Variants in PITPNC1 observed in about 807,000 individuals in gnomAD.
PITPNC1 encodes the protein phosphatidylinositol transfer protein cytoplasmic 1.
In PITPNC1, 18 loss-of-function variants were observed where a neutral mutation model predicts 44.7. The ratio of observed to expected loss-of-function variants is 0.40; its 90% CI spans 0.28 to 0.60. PITPNC1 has a LOEUF of 0.60. PITPNC1 is among the 20% of genes least tolerant of loss of function. The pLI, the probability that PITPNC1 is intolerant of heterozygous loss-of-function variation, is 0.39. For missense variants in PITPNC1, 290 were observed against 418.4 expected, an observed-to-expected ratio of 0.69 and a Z score of 2.68; for synonymous variants, 141 against 149.6, an observed-to-expected ratio of 0.94 and a Z score of 0.42.
intron 1 of PITPNC1, among the ~76,000 whole-genome samples, chr17:67,516,006 TTATG>T (rs757074601): frequency 3.9e-5 from 6 of 152,128 alleles, no homozygotes; most frequent in Non-Finnish European, 7.4e-5. Context: ...GTGCAGGAAT[TTATG>T]TAGGAGGAAG....
At chr17:67,397,269 C>T (rs1039297781) in intron 1 of PITPNC1, among the ~76,000 whole-genome samples, 1 of 152,216 alleles carries the variant, frequency 6.6e-6, no homozygotes, top group African/African-American at 2.4e-5. Context: ...GCGTCAGCCA[C>T]CACGCCTGGC....
At chr17:67,433,879 G>A (rs1285626389) in intron 1 of PITPNC1, among the ~76,000 whole-genome samples, 2 of 152,026 alleles carry the variant, frequency 1.3e-5, no homozygotes, top group African/African-American at 4.8e-5. Context: ...TCTAGCCTGG[G>A]TGACATAGCG....
intron 8 of PITPNC1, among the ~76,000 whole-genome samples, chr17:67,688,207 G>A (rs903870646): frequency 8.6e-5 from 13 of 151,220 alleles, no homozygotes; most frequent in African/African-American, 2.7e-4. Flanking sequence ...GTGTGGTGGC[G>A]CATGCCTGTA....
intron 5 of PITPNC1, among the ~76,000 whole-genome samples, chr17:67,610,524 GC>G (rs1479562165): frequency 6.6e-6 from 1 of 152,156 alleles, no homozygotes; most frequent in Non-Finnish European, 1.5e-5. Context: ...CAGGCGTGGT[GC>G]CGGCACACAT....
chr17:67,452,525 T>TG (rs968047871), intron 1 of PITPNC1, among the ~76,000 whole-genome samples: 8 of 151,204 alleles, frequency 5.3e-5, no homozygotes, highest in African/African-American at 1.9e-4. Context: ...GGTTTTTTTT[T>TG]TTTTTTGAGA....
At chr17:67,402,154 A>G (rs1221358076) in intron 1 of PITPNC1, among the ~76,000 whole-genome samples, 1 of 152,238 alleles carries the variant, frequency 6.6e-6, no homozygotes, top group African/African-American at 2.4e-5. Flanking sequence ...GCAACATGTA[A>G]ATGAATAGGC....
At chr17:67,669,897 C>A (rs2042483491) in intron 7 of PITPNC1, among the ~76,000 whole-genome samples, 2 of 151,924 alleles carry the variant, frequency 1.3e-5, no homozygotes, top group South Asian at 2.1e-4. Flanking sequence ...CATGGTGAAA[C>A]CCTGTCTCTA....
In PITPNC1 at chr17:67,604,347, T is replaced by C. The variant is rs145296957; in HGVS notation, c.366+26090T>C. Among the ~76,000 whole-genome samples, 207 of 152,322 alleles carry C rather than the reference T, an allele frequency of 1.4e-3. 3 individuals carry two copies. In the East Asian group the frequency reaches 0.036, roughly 26 times the overall value. On this transcript the variant is annotated intron_variant, in intron 5 of 8. Coordinates refer to ENST00000581322, the MANE Select transcript of PITPNC1 (RefSeq NM_012417.4). ...CCCCTGGATTAGAAGGGGAGGCTGG[T>C]AGGCTAATAGCAGGATGCTGGTGAC...
chr17:67,534,069 ATTT>A (rs1364943394), intron 2 of PITPNC1, among the ~76,000 whole-genome samples: 1 of 151,522 alleles, frequency 6.6e-6, no homozygotes, highest in Non-Finnish European at 1.5e-5. Context: ...TAATTTTTGT[ATTT>A]TTAGTAGAGA....
intron 1 of PITPNC1, among the ~76,000 whole-genome samples, chr17:67,483,231 G>C (rs138492647): frequency 6.6e-6 from 1 of 152,280 alleles, no homozygotes; most frequent in Non-Finnish European, 1.5e-5. Context: ...ATTTGGGGCA[G>C]AATTTGAACT....
At chr17:67,422,118 C>A (rs1486958439) in intron 1 of PITPNC1, among the ~76,000 whole-genome samples, 2 of 152,188 alleles carry the variant, frequency 1.3e-5, no homozygotes, top group East Asian at 3.8e-4. Flanking sequence ...GCTTAAACCA[C>A]ATCATCTGAA....
At chr17:67,599,207 T>A (rs1049858562) in intron 5 of PITPNC1, among the ~76,000 whole-genome samples, 1 of 151,242 alleles carries the variant, frequency 6.6e-6, no homozygotes, top group Non-Finnish European at 1.5e-5. Flanking sequence ...TGGCATTTTT[T>A]AATAGCAGCC....
intron 1 of PITPNC1, chr17:67,379,333 T>C: frequency 1.0e-6 from 1 of 985,442 alleles, no homozygotes. Context: ...GATGCATAAC[T>C]GAGAACATGG....
chr17:67,568,532 AT>A (rs996323322), intron 4 of PITPNC1, among the ~76,000 whole-genome samples: 1 of 151,966 alleles, frequency 6.6e-6, no homozygotes, highest in African/African-American at 2.4e-5. Context: ...ATTTTATTTT[AT>A]TTTTTTAGAG....
chr17:67,432,444 CAGTGAGCCGAGATT>C (rs2038870877), intron 1 of PITPNC1, among the ~76,000 whole-genome samples: 1 of 152,136 alleles, frequency 6.6e-6, no homozygotes, highest in South Asian at 2.1e-4. Context: ...GCCGAGCTTG[CAGTGAGCCGAGATT>C]GCACCACTGC....
chr17:67,633,565 C>T (rs892730120), intron 6 of PITPNC1, among the ~76,000 whole-genome samples: 2 of 152,232 alleles, frequency 1.3e-5, no homozygotes, highest in Admixed American at 1.3e-4. Flanking sequence ...TTAACATCAT[C>T]AGCTTTCATT....
intron 1 of PITPNC1, among the ~76,000 whole-genome samples, chr17:67,476,202 T>TTTC (rs1598720870): frequency 6.6e-6 from 1 of 151,428 alleles, no homozygotes; most frequent in South Asian, 2.1e-4. Flanking sequence ...TTTTTTTTTT[T>TTTC]TGAGATGGAG....
chr17:67,505,165 A>G (rs896581631), intron 1 of PITPNC1, among the ~76,000 whole-genome samples: 1 of 152,186 alleles, frequency 6.6e-6, no homozygotes, highest in East Asian at 1.9e-4. Flanking sequence ...AGACTTCCAC[A>G]TGCACTGAAA....
At chr17:67,486,397 A>G (rs1016027660) in intron 1 of PITPNC1, among the ~76,000 whole-genome samples, 2 of 152,178 alleles carry the variant, frequency 1.3e-5, no homozygotes, top group African/African-American at 4.8e-5. Flanking sequence ...ATGTAGAAAA[A>G]TAGACCTCTT....
Sources: gnomAD v4.1 joint callset for allele counts (sites outside exome capture counted in the v4.1 genomes callset) on GRCh38, gnomAD v4.1.1 for gene constraint, MANE v1.5 for transcripts, NCBI Gene and HGNC (gene_info 2026-07-23, HGNC 2026-07-21) for gene names.